Variants in ZNF816 observed in about 807,000 individuals in gnomAD.
ZNF816 encodes the protein zinc finger protein 816, also known as zinc finger protein 816A.
Under a neutral mutation model 8.3 loss-of-function variants are expected in ZNF816, and 11 were observed. That is an observed-to-expected ratio of 1.32 (90% CI 0.83 to 2.19). The LOEUF (loss-of-function observed/expected upper bound fraction) is 2.19. ZNF816 is among the 30% of genes most tolerant of loss of function. The probability of loss-of-function intolerance (pLI) is 0.00; values close to 1 mark genes in which losing one functional copy is unlikely to be tolerated. For synonymous variants in ZNF816, 255 were observed against 254.5 expected (o/e 1.00, Z -0.02); for missense variants, 710 against 779.3 (o/e 0.91, Z 1.06).
At chr19:52,960,884 C>T (rs1456909400) in intron 1 of ZNF816, among the ~76,000 whole-genome samples, 1 of 152,202 alleles carries the variant, frequency 6.6e-6, no homozygotes, top group East Asian at 1.9e-4. Flanking sequence ...ACAAGCCCTG[C>T]TCCAGTCACA....
intron 2 of ZNF816, among the ~76,000 whole-genome samples, chr19:52,954,465 G>A (rs1049586375): frequency 6.6e-6 from 1 of 152,162 alleles, no homozygotes; most frequent in African/African-American, 2.4e-5. Context: ...TTAAAAGAGT[G>A]AGCTATCTTG....
At chr19:52,960,601 G>A (rs2083547750) in intron 1 of ZNF816, among the ~76,000 whole-genome samples, 1 of 152,176 alleles carries the variant, frequency 6.6e-6, no homozygotes, top group Admixed American at 6.5e-5. Context: ...AATGATTTCA[G>A]CCCAGGTAAA....
At position 52,951,055 on chromosome 19, in the gene ZNF816, A is replaced by G. The variant is rs1203034783; in HGVS notation, c.720T>C (p.Tyr240=). 1 of 1,613,790 alleles carries G rather than the reference A, an allele frequency of 6.2e-7. No homozygotes were observed. The highest frequency in any genetic ancestry group is 8.5e-7 in the Non-Finnish European group (1 of 1,179,982). ...TGTGGTGTCTCCTTAAGAGTGAGCT[A>G]TAATTAAAGGCTTTGCCACACTCAT... ...QSNECGKAFN[Y]SSLLRRHHIT... is the part of the protein sequence containing the mutation. The change falls in exon 4 of 4, where the codon TAT becomes TAC. Residue 240 remains tyrosine, a synonymous_variant. Transcript: ENST00000444460.
intron 1 of ZNF816, among the ~76,000 whole-genome samples, chr19:52,958,446 T>A (rs910478452): frequency 6.6e-6 from 1 of 152,120 alleles, no homozygotes; most frequent in Admixed American, 6.5e-5. Context: ...TGGACCCGGC[T>A]TCTGCAAGGG....
Position 52,950,648 on chromosome 19 carries a change from T to G in ZNF816, c.1127A>C (p.Lys376Thr), listed in dbSNP as rs143408214. The G allele has an allele frequency of 6.6e-5, 107 of 1,614,154 alleles. No individual in the cohort carries two copies. The African/African-American group carries it at 1.3e-3, about 20-fold the overall frequency. ...EKPYKCNECG[K>T]TFSQKSSLQC... is the part of the protein sequence containing the mutation. ...AAGGGATGATTTCTGACTGAAGGTC[T>G]TGCCACACTCATTACACTTGTAAGG... The change falls in exon 4 of 4, where the codon AAG becomes ACG. Residue 376 changes from lysine (K) to threonine (T), a missense_variant. Lys to Thr is a moderately conservative substitution (Grantham distance 78, BLOSUM62 -1). Transcript: ENST00000444460.
chr19:52,962,301 A>G (rs1441849330), intron 1 of ZNF816, among the ~76,000 whole-genome samples: 2 of 152,194 alleles, frequency 1.3e-5, no homozygotes, highest in Non-Finnish European at 2.9e-5. Context: ...TGGGAATCTA[A>G]GGCCAATTAA....
At chr19:52,953,555 TATA>T (rs1439474825) in intron 2 of ZNF816, among the ~76,000 whole-genome samples, 19 of 45,778 alleles carry the variant, frequency 4.2e-4, no homozygotes, top group East Asian at 2.5e-3. Flanking sequence ...CAATATTATA[TATA>T]ATATGTATTT....
At chr19:52,955,182 A>AAAAAC (rs562213454) in intron 2 of ZNF816, among the ~76,000 whole-genome samples, 1 of 152,160 alleles carries the variant, frequency 6.6e-6, no homozygotes, top group South Asian at 2.1e-4. Context: ...TCCCTGTAAA[A>AAAAAC]AAAACAAAAC....
Position 52,950,689 on chromosome 19 carries a change from A to C in ZNF816, c.1086T>G (p.Ile362Met). Residue 362 changes from isoleucine (I) to methionine (M), a missense_variant, in exon 4 of 4, where the codon ATT becomes ATG. By Grantham distance (10) the Ile-to-Met change is conservative. Coordinates refer to ENST00000444460, the MANE Select transcript of ZNF816 (RefSeq NM_001202457.3). ...ACTTGTAAGGTTTCTCTCCAGTATG[A>C]ATTGCCTTATGAATTACAAGGGCTG... ...RNSALVIHKAIHTGEKPYKCN... is the reference protein window; with the variant it reads ...RNSALVIHKAMHTGEKPYKCN... 2 of 1,614,092 alleles carry C rather than the reference A, an allele frequency of 1.2e-6. No homozygotes were observed. The highest frequency in any genetic ancestry group is 1.7e-6 in the Non-Finnish European group (2 of 1,180,016).
At chr19:52,962,564 G>A (rs985674482) in intron 1 of ZNF816, among the ~76,000 whole-genome samples, 163 bp downstream of exon 1, 1 of 152,150 alleles carries the variant, frequency 6.6e-6, no homozygotes, top group Non-Finnish European at 1.5e-5. Flanking sequence ...CTCCGGGTGA[G>A]GACTTGAAAC....
Position 52,956,167 on chromosome 19 carries a change from A to AAC in ZNF816, c.-15-65_-15-64dup. The stretch of plus-strand genomic sequence containing the variant: ...ACCATTGACTCCTTTCCTGTGACAA[A>AAC]ACACACACACAGGGGAAACCTCACC... On this transcript the variant is annotated intron_variant, in intron 1 of 3. Coordinates refer to ENST00000444460, the MANE Select transcript of ZNF816 (RefSeq NM_001202457.3). 11 of 1,542,922 alleles carry AAC rather than the reference A, an allele frequency of 7.1e-6. No individual in the cohort carries two copies. In the South Asian group the frequency reaches 8.4e-5, roughly 12 times the overall value.
rs2083438871 is a variant in ZNF816, at chr19:52,949,910, T to C, written c.1865A>G (p.Lys622Arg). The C allele has an allele frequency of 6.2e-7, 1 of 1,613,930 alleles. No individual in the cohort carries two copies. The highest frequency in any genetic ancestry group is 1.7e-5 in the Admixed American group (1 of 60,014). The change falls in exon 4 of 4, where the codon AAG becomes AGG. Residue 622 changes from lysine to arginine, a missense_variant. Lys to Arg is a conservative substitution (Grantham distance 26, BLOSUM62 2). Transcript: ENST00000444460. The part of the protein sequence containing the change: ...QRVHTAEKPY[K>R]CNECGKAFTG... Reference sequence around the variant, plus strand: ...AAAGGCTTTGCCACACTCATTACACTTGTAAGGTTTCTCTGCAGTATGAAC... The same window carrying C: ...AAAGGCTTTGCCACACTCATTACACCTGTAAGGTTTCTCTGCAGTATGAAC...
rs1197221499 is a variant in ZNF816, at chr19:52,951,444, G to T, written c.331C>A (p.His111Asn). The T allele has an allele frequency of 1.2e-6, 2 of 1,613,884 alleles. No homozygotes were observed. The highest frequency in any genetic ancestry group is 2.7e-5 in the African/African-American group (2 of 74,900). ...TCTTGCCACTGAAACTCAAAGTGAT[G>T]AATATCTTTCTTCATTTCTGGGAAG... ...FCFPEMKKDI[H>N]HFEFQWQEVE... The change falls in exon 4 of 4, where the codon CAT becomes AAT. Residue 111 changes from histidine to asparagine, a missense_variant. Physicochemically the swap from His to Asn is moderately conservative, Grantham distance 68. Transcript: ENST00000444460.
chr19:52,954,308 C>T (rs1278575974), intron 2 of ZNF816, among the ~76,000 whole-genome samples: 1 of 151,774 alleles, frequency 6.6e-6, no homozygotes, highest in Non-Finnish European at 1.5e-5. Context: ...TGCAGTGAGC[C>T]GATATCGTGC....
intron 3 of ZNF816, 168 bp downstream of exon 3, chr19:52,952,583 G>T: frequency 7.7e-7 from 1 of 1,300,544 alleles, no homozygotes; most frequent in Non-Finnish European, 1.0e-6. Flanking sequence ...CCAAAGAAGA[G>T]TCTCTAAGAA....
intron 2 of ZNF816, among the ~76,000 whole-genome samples, chr19:52,953,995 C>T (rs1264024911): frequency 6.9e-6 from 1 of 144,572 alleles, no homozygotes; most frequent in East Asian, 2.0e-4. Context: ...AAGCCAAGGT[C>T]ACACCATTGC....
rs2083456756 is a variant in ZNF816 at position 52,951,232 on chromosome 19, G to A, written c.543C>T (p.Asp181=). 2 of 1,614,070 alleles carry A rather than the reference G, an allele frequency of 1.2e-6. No individual in the cohort carries two copies. The highest frequency in any genetic ancestry group is 4.5e-5 in the East Asian group (2 of 44,868). ...QTKGKISNQL[D]KSIGASSASE... ...AAGCTGAGGAAGCACCGATAGACTT[G>A]TCCAATTGGTTACTAATTTTCCCTT... is the stretch of plus-strand genomic sequence containing the variant. Residue 181 remains aspartate, a synonymous_variant, in exon 4 of 4, where the codon GAC becomes GAT. Transcript: ENST00000444460.
In ZNF816 at chr19:52,950,965, T is replaced by C. The variant is rs781133409; in HGVS notation, c.810A>G (p.Gln270=). 6.2e-7 allele frequency: 1 copy of C among 1,614,202 alleles called. No homozygotes were observed. The highest frequency in any genetic ancestry group is 2.2e-5 in the East Asian group (1 of 44,880). The part of the protein sequence containing the change: ...DVCGKIFNQK[Q]YIVYHHRCHT... ...GACATCTATGATGATATACAATGTA[T>C]TGCTTCTGATTAAAGATCTTGCCAC... Residue 270 remains glutamine, a synonymous_variant, in exon 4 of 4, where the codon CAA becomes CAG. Transcript: ENST00000444460.
chr19:52,955,038 T>C (rs921001038), intron 2 of ZNF816, among the ~76,000 whole-genome samples: 3 of 152,030 alleles, frequency 2.0e-5, no homozygotes, highest in Non-Finnish European at 4.4e-5. Flanking sequence ...TCATGTGATG[T>C]TTAAAATAAA....
Sources: gnomAD v4.1 joint callset for allele counts (sites outside exome capture counted in the v4.1 genomes callset) on GRCh38, gnomAD v4.1.1 for gene constraint, MANE v1.5 for transcripts, NCBI Gene and HGNC (gene_info 2026-07-23, HGNC 2026-07-21) for gene names.